Variants in LRFN5 observed in about 807,000 individuals in gnomAD.
The protein encoded by LRFN5 is leucine-rich repeat and fibronectin type-III domain-containing protein 5.
A neutral mutation model predicts 45.6 loss-of-function variants in LRFN5; 24 were observed. The observed-to-expected ratio is 0.53, with a 90% CI of 0.38 to 0.74. LRFN5 has a LOEUF of 0.74. Among genes scored for constraint, LRFN5 ranks in the 30% least tolerant of loss-of-function variants. The pLI, the probability that LRFN5 is intolerant of heterozygous loss-of-function variation, is 0.00. For synonymous variants in LRFN5, 340 were observed against 313.8 expected (o/e 1.08, Z -0.88); for missense variants, 776 against 861.5 (o/e 0.90, Z 1.24).
At chr14:41,610,633 C>T (rs1411946211) in intron 1 of LRFN5, among the ~76,000 whole-genome samples, 1 of 86,380 alleles carries the variant, frequency 1.2e-5, no homozygotes, top group Non-Finnish European at 2.5e-5. Flanking sequence ...TTTAACAGAA[C>T]TTTACCCCTC....
At chr14:41,846,272 G>T (rs546802256) in intron 2 of LRFN5, among the ~76,000 whole-genome samples, 13 of 151,496 alleles carry the variant, frequency 8.6e-5, no homozygotes, top group Non-Finnish European at 1.5e-4. Flanking sequence ...TTACTCCTAG[G>T]TATGAACTCA....
At chr14:41,806,271 A>T (rs553960889) in intron 2 of LRFN5, among the ~76,000 whole-genome samples, 1 of 152,228 alleles carries the variant, frequency 6.6e-6, no homozygotes, top group East Asian at 1.9e-4. Flanking sequence ...GCAACTTAGG[A>T]TTGACTGCCT....
chr14:41,612,222 C>T (rs140353321), intron 1 of LRFN5, among the ~76,000 whole-genome samples: 195 of 152,026 alleles, frequency 1.3e-3, no homozygotes, highest in African/African-American at 4.4e-3. Flanking sequence ...AATATTTCTG[C>T]CTCTACATGA....
intron 2 of LRFN5, among the ~76,000 whole-genome samples, chr14:41,872,778 G>A (rs966359108): frequency 6.6e-6 from 1 of 152,114 alleles, no homozygotes; most frequent in African/African-American, 2.4e-5. Flanking sequence ...AACATTCTGG[G>A]CAATGCAATG....
At chr14:41,897,677 A>C (rs1890984537) in intron 4 of LRFN5, among the ~76,000 whole-genome samples, 1 of 152,154 alleles carries the variant, frequency 6.6e-6, no homozygotes. Flanking sequence ...AGATAACAAT[A>C]GAATATAAAG....
intron 2 of LRFN5, among the ~76,000 whole-genome samples, chr14:41,870,045 A>G (rs1889966604): frequency 6.6e-6 from 1 of 152,152 alleles, no homozygotes; most frequent in Admixed American, 6.5e-5. Context: ...TATTATCTCC[A>G]GTTGTCATGG....
chr14:41,683,819 T>C (rs781521887), intron 1 of LRFN5, among the ~76,000 whole-genome samples: 2 of 152,124 alleles, frequency 1.3e-5, no homozygotes, highest in African/African-American at 4.8e-5. Flanking sequence ...AATAGAGAGA[T>C]ATTCTCTGCT....
intron 1 of LRFN5, among the ~76,000 whole-genome samples, chr14:41,753,259 G>T (rs1475441065): frequency 6.6e-6 from 1 of 151,024 alleles, no homozygotes; most frequent in African/African-American, 2.4e-5. Context: ...GCTCTTTTTT[G>T]GTTCCATATG....
chr14:41,795,412 C>T (rs1343001224), intron 2 of LRFN5, among the ~76,000 whole-genome samples: 4 of 152,024 alleles, frequency 2.6e-5, no homozygotes, highest in South Asian at 4.1e-4. Flanking sequence ...TTTGACCCAG[C>T]GATCCCATTA....
chr14:41,629,592 G>A (rs1363485782), intron 1 of LRFN5, among the ~76,000 whole-genome samples: 1 of 152,124 alleles, frequency 6.6e-6, no homozygotes, highest in Non-Finnish European at 1.5e-5. Flanking sequence ...TTCTCTAAAC[G>A]CAGTAAGCTA....
intron 1 of LRFN5, among the ~76,000 whole-genome samples, chr14:41,675,438 C>CA (rs1315659763): frequency 1.3e-5 from 2 of 152,188 alleles, no homozygotes; most frequent in African/African-American, 4.8e-5. Context: ...CCGTCTCCAC[C>CA]AAAAAATTAC....
chr14:41,669,704 A>T (rs1454884611), intron 1 of LRFN5, among the ~76,000 whole-genome samples: 4 of 152,028 alleles, frequency 2.6e-5, no homozygotes, highest in Non-Finnish European at 4.4e-5. Context: ...TTCTTACTGT[A>T]GGAATTTATT....
At chr14:41,759,382 C>A (rs184862313) in intron 1 of LRFN5, among the ~76,000 whole-genome samples, 2 of 151,642 alleles carry the variant, frequency 1.3e-5, no homozygotes, top group African/African-American at 4.8e-5. Flanking sequence ...ATGTTCAACC[C>A]ACTGACTTTA....
chr14:41,854,500 T>TA (rs1566485144), intron 2 of LRFN5, among the ~76,000 whole-genome samples: 2 of 151,356 alleles, frequency 1.3e-5, no homozygotes, highest in Admixed American at 6.6e-5. Flanking sequence ...CCCTAGAACT[T>TA]AAAAAAAGAA....
At chr14:41,740,524 C>G (rs1884646451) in intron 1 of LRFN5, among the ~76,000 whole-genome samples, 3 of 151,796 alleles carry the variant, frequency 2.0e-5, no homozygotes, top group African/African-American at 7.3e-5. Context: ...TAAAAGCTCT[C>G]AACAAATAGG....
chr14:41,789,046 A>G (rs1217943765), intron 2 of LRFN5, among the ~76,000 whole-genome samples: 1 of 151,994 alleles, frequency 6.6e-6, no homozygotes. Context: ...TTGAGTTTAC[A>G]ATTTTAGTTC....
At chr14:41,904,120 T>G (rs981818533) in intron 5 of LRFN5, 38 bp from the exon 6 acceptor site, 2 of 1,514,978 alleles carry the variant, frequency 1.3e-6, no homozygotes, top group Non-Finnish European at 1.8e-6. Context: ...TTTCTTCCTT[T>G]CTTTCTTTTT....
At chr14:41,674,606 A>ACC (rs1197866103) in intron 1 of LRFN5, among the ~76,000 whole-genome samples, 1 of 130,736 alleles carries the variant, frequency 7.6e-6, no homozygotes. Context: ...CAGGGGGCTG[A>ACC]CCCCCCCACC....
At chr14:41,674,267 T>G (rs1755665265) in intron 1 of LRFN5, among the ~76,000 whole-genome samples, 2 of 107,986 alleles carry the variant, frequency 1.9e-5, no homozygotes, top group Admixed American at 1.9e-4. Context: ...CACTTCCCAG[T>G]AGGGGCGGCC....
Sources: gnomAD v4.1 joint callset for allele counts (sites outside exome capture counted in the v4.1 genomes callset) on GRCh38, gnomAD v4.1.1 for gene constraint, MANE v1.5 for transcripts, NCBI Gene and HGNC (gene_info 2026-07-23, HGNC 2026-07-21) for gene names.